Variants in NYAP2 observed in about 807,000 individuals in gnomAD.
NYAP2 encodes neuronal tyrosine-phosphorylated phosphoinositide-3-kinase adaptor 2.
In NYAP2, 23 loss-of-function variants were observed where a neutral mutation model predicts 50.4. The ratio of observed to expected loss-of-function variants is 0.46; its 90% confidence interval spans 0.33 to 0.65. The LOEUF is 0.65. Among genes scored for constraint, NYAP2 ranks in the 30% least tolerant of loss-of-function variants. NYAP2 has a pLI of 0.02. For synonymous variants in NYAP2, 394 were observed against 365.2 expected, an observed-to-expected ratio of 1.08 and a Z score of -0.90; for missense variants, 885 against 861.0, an observed-to-expected ratio of 1.03 and a Z score of -0.35.
chr2:225,555,781 C>T (rs1434894059), intron 4 of NYAP2, among the ~76,000 whole-genome samples: 9 of 152,174 alleles, frequency 5.9e-5, no homozygotes, highest in Non-Finnish European at 8.8e-5. Context: ...AGGAGTCCTA[C>T]AATTTCCAGA....
At chr2:225,496,990 A>T (rs1574644095) in intron 3 of NYAP2, among the ~76,000 whole-genome samples, 2 of 152,250 alleles carry the variant, frequency 1.3e-5, no homozygotes, top group Admixed American at 1.3e-4. Flanking sequence ...CCTTTTAATT[A>T]GTTATGAATA....
At chr2:225,453,442 A>G (rs1316686008) in intron 3 of NYAP2, among the ~76,000 whole-genome samples, 1 of 152,194 alleles carries the variant, frequency 6.6e-6, no homozygotes, top group Non-Finnish European at 1.5e-5. Context: ...CCTGAAAAAT[A>G]TTAACTCTTG....
At chr2:225,468,492 A>G (rs896258867) in intron 3 of NYAP2, among the ~76,000 whole-genome samples, 1 of 152,250 alleles carries the variant, frequency 6.6e-6, no homozygotes, top group African/African-American at 2.4e-5. Flanking sequence ...AACAGGACAC[A>G]AACAAGTGGG....
chr2:225,524,531 G>A (rs948011998), intron 4 of NYAP2, among the ~76,000 whole-genome samples: 1 of 151,998 alleles, frequency 6.6e-6, no homozygotes, highest in Non-Finnish European at 1.5e-5. Flanking sequence ...CAGCCCAATC[G>A]AATTGACACT....
intron 3 of NYAP2, among the ~76,000 whole-genome samples, chr2:225,488,405 A>G (rs550010041): frequency 6.6e-6 from 1 of 152,174 alleles, no homozygotes; most frequent in East Asian, 1.9e-4. Flanking sequence ...ACAGAGTCTT[A>G]CTCTGTCACC....
chr2:225,453,460 CAATT>C (rs1346603759), intron 3 of NYAP2, among the ~76,000 whole-genome samples: 9 of 152,008 alleles, frequency 5.9e-5, no homozygotes, highest in African/African-American at 2.2e-4. Context: ...TTGCTTGTGA[CAATT>C]AATTATGAAA....
intron 5 of NYAP2, among the ~76,000 whole-genome samples, chr2:225,612,197 A>T (rs1692898271): frequency 6.7e-6 from 1 of 149,870 alleles, no homozygotes; most frequent in Non-Finnish European, 1.5e-5. Flanking sequence ...TGTGTATAAG[A>T]TGTACTACCT....
At chr2:225,537,025 G>A (rs562473945) in intron 4 of NYAP2, among the ~76,000 whole-genome samples, 218 of 151,950 alleles carry the variant, frequency 1.4e-3, no homozygotes, top group Middle Eastern at 6.8e-3. Flanking sequence ...TGATCCGCTC[G>A]CCTCGGCTTC....
At chr2:225,500,407 C>T (rs73082973) in intron 3 of NYAP2, among the ~76,000 whole-genome samples, 2,583 of 152,178 alleles carry the variant, frequency 0.017, 65 homozygotes, top group African/African-American at 0.058. Context: ...ACAATGATTC[C>T]GTAAATACAT....
At chr2:225,543,087 T>A (rs1691506139) in intron 4 of NYAP2, among the ~76,000 whole-genome samples, 1 of 152,072 alleles carries the variant, frequency 6.6e-6, no homozygotes, top group African/African-American at 2.4e-5. Context: ...TCATTTGAAT[T>A]TCTGCATTGT....
At chr2:225,436,821 G>A (rs1039082112) in intron 3 of NYAP2, among the ~76,000 whole-genome samples, 26 of 148,622 alleles carry the variant, frequency 1.7e-4, no homozygotes, top group African/African-American at 6.4e-4. Context: ...TGCTTTCTTT[G>A]TCCCCATCTT....
chr2:225,436,298 A>G (rs1689376070), intron 3 of NYAP2, among the ~76,000 whole-genome samples: 1 of 152,238 alleles, frequency 6.6e-6, no homozygotes, highest in Non-Finnish European at 1.5e-5. Flanking sequence ...ATTGTCTCAC[A>G]ATTCTCGAGG....
chr2:225,419,417 T>C (rs145087761), intron 3 of NYAP2, among the ~76,000 whole-genome samples: 1 of 152,348 alleles, frequency 6.6e-6, no homozygotes, highest in East Asian at 1.9e-4. Context: ...ATTACCTCAT[T>C]GTAAGAATGA....
chr2:225,696,868 A>G, the NYAP2 span, among the ~76,000 whole-genome samples: 1 of 151,970 alleles, frequency 6.6e-6, no homozygotes, highest in Non-Finnish European at 1.5e-5. Context: ...ATTCATCACT[A>G]TGGGTTAATA....
intron 3 of NYAP2, among the ~76,000 whole-genome samples, chr2:225,421,354 CA>C (rs1431235581): frequency 6.6e-6 from 1 of 152,138 alleles, no homozygotes; most frequent in Non-Finnish European, 1.5e-5. Flanking sequence ...AATCATTTGT[CA>C]AGCAAATTTT....
At chr2:225,544,474 T>G (rs544240516) in intron 4 of NYAP2, among the ~76,000 whole-genome samples, 1 of 152,188 alleles carries the variant, frequency 6.6e-6, no homozygotes, top group African/African-American at 2.4e-5. Flanking sequence ...GTAAATACTG[T>G]GTTAGAACCC....
At chr2:225,587,410 T>G (rs956235010) in intron 5 of NYAP2, among the ~76,000 whole-genome samples, 10 of 152,084 alleles carry the variant, frequency 6.6e-5, no homozygotes, top group African/African-American at 2.4e-4. Context: ...AGGAATAAAC[T>G]AAGGCACTAA....
chr2:225,524,220 G>A (rs1468669127), intron 4 of NYAP2, among the ~76,000 whole-genome samples: 1 of 152,184 alleles, frequency 6.6e-6, no homozygotes, highest in African/African-American at 2.4e-5. Flanking sequence ...TCAGTCTGTG[G>A]CTGAAGGCCC....
intron 5 of NYAP2, among the ~76,000 whole-genome samples, chr2:225,615,765 G>A (rs896920194): frequency 6.6e-6 from 1 of 152,192 alleles, no homozygotes; most frequent in African/African-American, 2.4e-5. Flanking sequence ...CAGCCAGACA[G>A]AGAAGTTTAC....
Sources: gnomAD v4.1 joint callset for allele counts (sites outside exome capture counted in the v4.1 genomes callset) on GRCh38, gnomAD v4.1.1 for gene constraint, MANE v1.5 for transcripts, NCBI Gene and HGNC (gene_info 2026-07-23, HGNC 2026-07-21) for gene names.